Variants in NUP214 observed in about 807,000 individuals in gnomAD.
NUP214 encodes nucleoporin 214.
NUP214 carries 79 observed loss-of-function variants against 196.2 expected under a neutral mutation model. That is an observed-to-expected ratio of 0.40 (90% CI 0.34 to 0.49). The LOEUF (loss-of-function observed/expected upper bound fraction) is 0.49. Ranked by LOEUF, NUP214 falls within the 20% of genes least tolerant of loss-of-function variation. The pLI is 0.58. For missense variants in NUP214, 2,468 were observed against 2,539.0 expected, an observed-to-expected ratio of 0.97 and a Z score of 0.60; for synonymous variants, 1,020 against 990.5, an observed-to-expected ratio of 1.03 and a Z score of -0.56.
chr9:131,164,272 G>A, intron 21 of NUP214, 128 bp downstream of exon 21: 3 of 756,870 alleles, frequency 4.0e-6, no homozygotes, highest in Non-Finnish European at 6.7e-6. Context: ...AAGTGTGTGT[G>A]TGTTGGTTCT....
At chr9:131,195,508 T>C in intron 28 of NUP214, 6 of 480,048 alleles carry the variant, frequency 1.2e-5, no homozygotes, top group Non-Finnish European at 2.2e-5. Flanking sequence ...AGGAAAGGAT[T>C]TGCTTCTAGA....
At chr9:131,172,321 G>T (rs547987685) in intron 21 of NUP214, among the ~76,000 whole-genome samples, 52 of 152,260 alleles carry the variant, frequency 3.4e-4, no homozygotes, top group African/African-American at 1.2e-3. Context: ...TGAGCATTTT[G>T]TCATGTGTTT....
intron 31 of NUP214, among the ~76,000 whole-genome samples, chr9:131,218,393 C>T (rs978956360): frequency 3.3e-5 from 5 of 152,114 alleles, no homozygotes; most frequent in African/African-American, 7.2e-5. Flanking sequence ...TACTCAGGAT[C>T]GTTTCTGCAG....
intron 18 of NUP214, among the ~76,000 whole-genome samples, chr9:131,160,923 T>C: frequency 6.6e-6 from 1 of 152,174 alleles, no homozygotes; most frequent in East Asian, 1.9e-4. Context: ...GAGAACTAGC[T>C]CACACACCTG....
chr9:131,137,331 TATA>T (rs1390436497), intron 9 of NUP214, among the ~76,000 whole-genome samples: 2 of 152,184 alleles, frequency 1.3e-5, no homozygotes, highest in Non-Finnish European at 2.9e-5. Context: ...AACATTTTCT[TATA>T]ATGCTGCCAC....
intron 5 of NUP214, among the ~76,000 whole-genome samples, chr9:131,132,310 C>T (rs775391105): frequency 5.9e-5 from 9 of 151,570 alleles, no homozygotes; most frequent in Non-Finnish European, 1.2e-4. Flanking sequence ...GACGGGGTTT[C>T]GCCATGTTGG....
chr9:131,125,840 C>T lies in NUP214; in HGVS notation c.45+91C>T. ...AGGCGAAGCGCGGTGCTGGCTGTCCCGCCTCCTGCTTGAACAGTTTACCGC... is the reference window on the plus strand; with the variant it reads ...AGGCGAAGCGCGGTGCTGGCTGTCCTGCCTCCTGCTTGAACAGTTTACCGC... On this transcript the variant is annotated intron_variant, in intron 1 of 35. Coordinates refer to ENST00000359428, the MANE Select transcript of NUP214 (RefSeq NM_005085.4). The surrounding 1 kb of genome is among the most constrained non-coding windows in gnomAD (Gnocchi z 4.1). 1 of 1,441,470 alleles carries T rather than the reference C, an allele frequency of 6.9e-7. No individual in the cohort carries two copies. Among genetic ancestry groups the T allele is most frequent in the Non-Finnish European group, 9.5e-7 (1 of 1,051,696 alleles). The allele number at this position is 1,441,470 out of a possible 1,614,324, so 89.3% of individuals were successfully genotyped here.
Position 131,232,217 on chromosome 9 carries a change from G to T in NUP214, c.6215-67G>T. ...AAGCACAGAGGAGGGCAGACACTTAGCATGGGGACCACCTTTGTCTTTCGA... is the reference window on the plus strand; with the variant it reads ...AAGCACAGAGGAGGGCAGACACTTATCATGGGGACCACCTTTGTCTTTCGA... On this transcript the variant is annotated intron_variant, in intron 34 of 35. Transcript: ENST00000359428. The surrounding 1 kb of genome is among the most constrained non-coding windows in gnomAD (Gnocchi z 5.1). The T allele has an allele frequency of 1.3e-6, 2 of 1,569,220 alleles. No individual in the cohort carries two copies. The highest frequency in any genetic ancestry group is 1.8e-6 in the Non-Finnish European group (2 of 1,138,976).
intron 31 of NUP214, among the ~76,000 whole-genome samples, chr9:131,217,895 A>G (rs1283747568): frequency 1.3e-5 from 2 of 152,202 alleles, no homozygotes; most frequent in Non-Finnish European, 2.9e-5. Context: ...GAGCCAGCCA[A>G]GCACATCTTC....
rs1027272335 is a variant in NUP214, at chr9:131,201,711, T to G, written c.5586T>G (p.Phe1862Leu). 1.2e-6 allele frequency: 2 copies of G among 1,613,654 alleles called. No homozygotes were observed. Among genetic ancestry groups the G allele is most frequent in the African/African-American group, 2.7e-5 (2 of 74,934 alleles). ...CAGCCAGTACTGGTGGAATAGTCTT[T>G]GGCCAGGTAAATATGCATTTGTCTT... is the stretch of plus-strand genomic sequence containing the variant. ...GQAASTGGIV[F>L]GQQSSSSSGS... Residue 1862 changes from phenylalanine (F) to leucine (L), a missense_variant, in exon 30 of 36, where the codon TTT (phenylalanine) becomes TTG (leucine). Physicochemically the swap from Phe to Leu is conservative, Grantham distance 22. This residue lies in a region of NUP214 where 262 missense variants were observed against 296.5 expected (regional missense o/e 0.88). Coordinates refer to ENST00000359428, the MANE Select transcript of NUP214 (RefSeq NM_005085.4).
In NUP214 at chr9:131,189,110, T is replaced by C. The variant is rs1312397987; in HGVS notation, c.3553T>C (p.Ser1185Pro). ...GCCTACACCAGCATCCGGTCAGTTA[T>C]CATCTGGTGACAAAGCTTCAGGTCA... ...SGPTPASGQL[S>P]SGDKASGTAK... is the part of the protein sequence containing the mutation. The change falls in exon 26 of 36, where the codon TCA becomes CCA. Residue 1185 changes from serine (S) to proline (P), a missense_variant. Ser to Pro is a moderately conservative substitution (Grantham distance 74). This residue lies in a region of NUP214 where 1,801 missense variants were observed against 1,779.4 expected (regional missense o/e 1.01). Transcript: ENST00000359428. 1 of 1,613,982 alleles carries C rather than the reference T, an allele frequency of 6.2e-7. No homozygotes were observed. The highest frequency in any genetic ancestry group is 8.5e-7 in the Non-Finnish European group (1 of 1,179,956).
intron 17 of NUP214, chr9:131,153,061 G>A (rs1392297827): frequency 6.6e-6 from 1 of 152,196 alleles, no homozygotes; most frequent in Non-Finnish European, 1.5e-5. Context: ...ACAGGTGTGA[G>A]CCACTATTCT....
rs189969939 is a variant in NUP214 at position 131,144,580 on chromosome 9, C to T, written c.1595C>T (p.Pro532Leu). The change falls in exon 12 of 36, where the codon CCC becomes CTC. Residue 532 changes from proline (P) to leucine (L), a missense_variant. This residue lies in a region of NUP214 where 1,801 missense variants were observed against 1,779.4 expected (regional missense o/e 1.01). Transcript: ENST00000359428. ...CCCCCTTCTAAAGCCTCCCTAGCCC[C>T]CACCCCTGCAGCGTCTCCTGTGGCT... is the stretch of plus-strand genomic sequence containing the variant. ...FVPPSKASLAPTPAASPVAPS... is the reference protein window; with the variant it reads ...FVPPSKASLALTPAASPVAPS... The T allele has an allele frequency of 1.9e-4, 302 of 1,614,138 alleles. No homozygotes were observed. The East Asian group carries it at 3.6e-3, about 19-fold the overall frequency.
chr9:131,130,132 G>GTTTTTTTTTTTTTTTTTTTTTTTT (rs1245763919), intron 4 of NUP214, among the ~76,000 whole-genome samples: 3 of 46,612 alleles, frequency 6.4e-5, no homozygotes, highest in South Asian at 1.0e-3. Context: ...ATGATTTCTG[G>GTTTTTTTTTTTTTTTTTTTTTTTT]TTTTGTTTTT....
chr9:131,223,703 T>TTTA (rs1834627981), intron 32 of NUP214, among the ~76,000 whole-genome samples: 1 of 119,762 alleles, frequency 8.3e-6, no homozygotes, highest in African/African-American at 3.0e-5. Context: ...AAATCACTTT[T>TTTA]TTTTTATTTT....
chr9:131,204,322 A>G (rs548937882), intron 30 of NUP214, among the ~76,000 whole-genome samples: 5 of 152,346 alleles, frequency 3.3e-5, no homozygotes, highest in Non-Finnish European at 7.3e-5. Context: ...ATTTCTAGGA[A>G]AATGTAATGA....
At chr9:131,161,586 A>G (rs1832635375) in intron 18 of NUP214, among the ~76,000 whole-genome samples, 1 of 152,130 alleles carries the variant, frequency 6.6e-6, no homozygotes, top group Non-Finnish European at 1.5e-5. Context: ...TATATGTTGA[A>G]CTACCTTGTT....
intron 30 of NUP214, among the ~76,000 whole-genome samples, chr9:131,210,874 G>A (rs1345738557): frequency 6.6e-6 from 1 of 152,154 alleles, no homozygotes; most frequent in Non-Finnish European, 1.5e-5. Flanking sequence ...TCCTAGAAGG[G>A]TAGGAGACAG....
intron 31 of NUP214, among the ~76,000 whole-genome samples, chr9:131,220,950 A>T (rs1588176463): frequency 6.6e-6 from 1 of 152,246 alleles, no homozygotes; most frequent in African/African-American, 2.4e-5. Flanking sequence ...GGTTGCACCA[A>T]GTTTCTCCAA....
Sources: gnomAD v4.1 joint callset for allele counts (sites outside exome capture counted in the v4.1 genomes callset) on GRCh38, gnomAD v4.1.1 for gene constraint, gnomAD v4.1.1 regional missense constraint, Gnocchi (gnomAD v3.1) non-coding constraint, MANE v1.5 for transcripts, NCBI Gene and HGNC (gene_info 2026-07-23, HGNC 2026-07-21) for gene names.